PTPRT: variants seen among roughly 807,000 people sequenced by gnomAD.
The protein encoded by PTPRT is protein tyrosine phosphatase receptor type T.
In PTPRT, 56 loss-of-function variants were observed where a neutral mutation model predicts 176.8. The ratio of observed to expected loss-of-function variants is 0.32; its 90% CI spans 0.26 to 0.40. The LOEUF (loss-of-function observed/expected upper bound fraction) is 0.40, where lower values mean the gene tolerates loss of function less well. Ranked by LOEUF, PTPRT falls within the 10% of genes least tolerant of loss-of-function variation. PTPRT has a pLI of 1.00. For missense variants in PTPRT, 1,540 were observed against 1,908.2 expected (o/e 0.81, Z 3.60); for synonymous variants, 783 against 739.0 (o/e 1.06, Z -0.96).
At chr20:42,678,287 G>C (rs1241912047) in intron 6 of PTPRT, 128 bp from the exon 7 acceptor site, 1 of 855,104 alleles carries the variant, frequency 1.2e-6, no homozygotes, top group African/African-American at 1.7e-5. Flanking sequence ...ACCCCTTTTT[G>C]TTTTATTTTA....
downstream of PTPRT, among the ~76,000 whole-genome samples, chr20:42,070,172 T>G (rs1982263773): frequency 6.6e-6 from 1 of 152,058 alleles, no homozygotes; most frequent in Non-Finnish European, 1.5e-5. Flanking sequence ...CAAATCCCTC[T>G]TCTTGCCTTC....
intron 9 of PTPRT, among the ~76,000 whole-genome samples, chr20:42,435,848 T>C (rs2059257642): frequency 6.6e-6 from 1 of 152,110 alleles, no homozygotes; most frequent in African/African-American, 2.4e-5. Flanking sequence ...GGAGGAGGAA[T>C]CTTCTCTACC....
intron 1 of PTPRT, among the ~76,000 whole-genome samples, chr20:42,939,876 TAATA>T (rs1465304791): frequency 2.6e-5 from 4 of 152,206 alleles, no homozygotes. Context: ...TCTGTCTATC[TAATA>T]AATAGATAAA....
At chr20:42,905,352 CA>C in intron 1 of PTPRT, among the ~76,000 whole-genome samples, 1 of 152,300 alleles carries the variant, frequency 6.6e-6, no homozygotes, top group South Asian at 2.1e-4. Context: ...AAATGCAAAT[CA>C]AAACCACAAT....
intron 11 of PTPRT, among the ~76,000 whole-genome samples, chr20:42,323,696 G>A (rs2057839603): frequency 6.6e-6 from 1 of 151,850 alleles, no homozygotes; most frequent in African/African-American, 2.4e-5. Flanking sequence ...CACCAGCATG[G>A]CACATGTATA....
At chr20:42,301,747 G>T (rs1272431525) in intron 12 of PTPRT, among the ~76,000 whole-genome samples, 1 of 152,146 alleles carries the variant, frequency 6.6e-6, no homozygotes, top group African/African-American at 2.4e-5. Flanking sequence ...TCTGTATAGA[G>T]AGCTTATTAA....
chr20:42,287,881 A>G (rs930849934), intron 12 of PTPRT, among the ~76,000 whole-genome samples: 1 of 151,910 alleles, frequency 6.6e-6, no homozygotes, highest in Middle Eastern at 3.2e-3. Context: ...AAAAATTCCA[A>G]AAGGAAAACT....
chr20:42,562,690 G>A (rs940332008), intron 7 of PTPRT, among the ~76,000 whole-genome samples: 4 of 152,104 alleles, frequency 2.6e-5, no homozygotes, highest in Admixed American at 1.3e-4. Flanking sequence ...ACATTTTGAT[G>A]CCCAGAGGCA....
intron 1 of PTPRT, among the ~76,000 whole-genome samples, chr20:43,124,452 C>A (rs2013371658): frequency 6.6e-6 from 1 of 152,142 alleles, no homozygotes; most frequent in Admixed American, 6.6e-5. Context: ...GAACCAAGGC[C>A]AGGAAATAAT....
At chr20:43,180,341 A>ATCTCCCTCTCTCTC (rs2015220743) in intron 1 of PTPRT, among the ~76,000 whole-genome samples, 1 of 115,018 alleles carries the variant, frequency 8.7e-6, no homozygotes, top group Non-Finnish European at 1.8e-5. Context: ...AAATGAATCA[A>ATCTCCCTCTCTCTC]TCTCTCTCTC....
intron 6 of PTPRT, among the ~76,000 whole-genome samples, chr20:42,702,001 G>A (rs915110554): frequency 5.3e-5 from 8 of 151,978 alleles, no homozygotes; most frequent in African/African-American, 1.2e-4. Context: ...CCGCGTCACC[G>A]AGGTTAACCC....
chr20:43,042,714 C>CACCCGCCATCTCTCCTCCT (rs1986662727), intron 1 of PTPRT, among the ~76,000 whole-genome samples: 1 of 147,880 alleles, frequency 6.8e-6, no homozygotes, highest in African/African-American at 2.5e-5. Flanking sequence ...CCCACCCTCC[C>CACCCGCCATCTCTCCTCCT]ACCCGCCATC....
chr20:42,359,754 G>A (rs886767493), intron 9 of PTPRT, among the ~76,000 whole-genome samples: 1 of 152,238 alleles, frequency 6.6e-6, no homozygotes, highest in Non-Finnish European at 1.5e-5. Flanking sequence ...AGGGTCAGAG[G>A]CTCAGCCTGC....
At chr20:42,571,520 AAACC>A (rs1418674654) in intron 7 of PTPRT, among the ~76,000 whole-genome samples, 5 of 152,244 alleles carry the variant, frequency 3.3e-5, no homozygotes, top group African/African-American at 1.2e-4. Flanking sequence ...GTATGATTTC[AAACC>A]ACTACGTTTG....
In PTPRT at chr20:43,137,371, C is replaced by T. The variant is rs146997066; in HGVS notation, c.88+52275G>A. On this transcript the variant is annotated intron_variant, in intron 1 of 30. Transcript: ENST00000373187. ...AAGTTTTATTTGAACACAGCCATGCCTACTAATTTCCATACTGCCTGTGGC... is the reference window on the plus strand; with the variant it reads ...AAGTTTTATTTGAACACAGCCATGCTTACTAATTTCCATACTGCCTGTGGC... Among the ~76,000 whole-genome samples the T allele has an allele frequency of 5.9e-3, 904 of 152,294 alleles. 27 individuals are homozygous for T. Among genetic ancestry groups the T allele is most frequent in the Admixed American group, 0.05 (761 of 15,308 alleles).
At chr20:42,717,766 G>T (rs1023267994) in intron 6 of PTPRT, among the ~76,000 whole-genome samples, 1 of 152,088 alleles carries the variant, frequency 6.6e-6, no homozygotes, top group African/African-American at 2.4e-5. Context: ...CAAGGACTCA[G>T]ATCTAGTAAA....
At chr20:43,013,316 A>G (rs1985220164) in intron 1 of PTPRT, among the ~76,000 whole-genome samples, 1 of 152,110 alleles carries the variant, frequency 6.6e-6, no homozygotes, top group African/African-American at 2.4e-5. Flanking sequence ...AAGCATCGAG[A>G]GCTTCAAAAT....
intron 27 of PTPRT, among the ~76,000 whole-genome samples, chr20:42,093,798 C>T (rs1984896182): frequency 1.3e-5 from 2 of 152,338 alleles, no homozygotes; most frequent in South Asian, 4.1e-4. Flanking sequence ...TTCAAAGAAC[C>T]GCCCCTCCAG....
chr20:42,390,608 T>A lies in PTPRT; in HGVS notation c.1561-38323A>T, dbSNP rs575339519. ...GGCTCACTTACTCTAGTGAAAGCCA[T>A]GTGCCATGTCATAACATACTGAGGC... On this transcript the variant is annotated intron_variant, in intron 9 of 30. Coordinates refer to ENST00000373187, the MANE Select transcript of PTPRT (RefSeq NM_007050.6). 2.0e-5 allele frequency among the ~76,000 whole-genome samples: 3 copies of A among 152,322 alleles called. No homozygotes were observed. The South Asian group carries it at 6.2e-4, about 32-fold the overall frequency.
Sources: gnomAD v4.1 joint callset for allele counts (sites outside exome capture counted in the v4.1 genomes callset) on GRCh38, gnomAD v4.1.1 for gene constraint, MANE v1.5 for transcripts, NCBI Gene and HGNC (gene_info 2026-07-23, HGNC 2026-07-21) for gene names.